AKAP6: variants seen among roughly 807,000 people sequenced by gnomAD.
AKAP6 encodes the protein A-kinase anchoring protein 6.
A neutral mutation model predicts 188.5 loss-of-function variants in AKAP6; 58 were observed. The observed-to-expected ratio is 0.31, with a 90% CI of 0.25 to 0.38. AKAP6 has a LOEUF of 0.38. AKAP6 is among the 10% of genes least tolerant of loss of function. The probability of loss-of-function intolerance (pLI) is 1.00; values close to 1 mark genes in which losing one functional copy is unlikely to be tolerated. For synonymous variants in AKAP6, 989 were observed against 998.6 expected (o/e 0.99, Z 0.18); for missense variants, 2,710 against 2,740.0 (o/e 0.99, Z 0.24).
intron 2 of AKAP6, among the ~76,000 whole-genome samples, chr14:32,463,553 G>A (rs554978669): frequency 2.6e-5 from 4 of 152,270 alleles, no homozygotes; most frequent in South Asian, 2.1e-4. Context: ...TGAAACCAAT[G>A]AGAACAAAGA....
intron 9 of AKAP6, among the ~76,000 whole-genome samples, chr14:32,722,092 A>G (rs937537121): frequency 3.0e-4 from 46 of 152,204 alleles, no homozygotes; most frequent in African/African-American, 1.0e-3. Context: ...CTAAATATTC[A>G]AAATCTTCTA....
chr14:32,819,034 T>G (rs1234419898), intron 12 of AKAP6, among the ~76,000 whole-genome samples: 1 of 152,214 alleles, frequency 6.6e-6, no homozygotes, highest in Non-Finnish European at 1.5e-5. Context: ...TACTAACTGG[T>G]CATTAGTACT....
At chr14:32,757,087 G>A (rs1159468613) in intron 11 of AKAP6, among the ~76,000 whole-genome samples, 8 of 152,168 alleles carry the variant, frequency 5.3e-5, no homozygotes, top group Non-Finnish European at 1.5e-5. Flanking sequence ...AATGGTGGGT[G>A]TCTTTCCATG....
chr14:32,723,706 A>G (rs1047620839), intron 9 of AKAP6, among the ~76,000 whole-genome samples: 6 of 152,108 alleles, frequency 3.9e-5, no homozygotes, highest in African/African-American at 1.4e-4. Flanking sequence ...GATGAGGCAT[A>G]TGCTCTCCCA....
chr14:32,506,867 G>T (rs556596573), intron 2 of AKAP6, among the ~76,000 whole-genome samples: 2 of 151,894 alleles, frequency 1.3e-5, no homozygotes, highest in African/African-American at 2.4e-5. Context: ...AAAAAATTGC[G>T]CATCTCTTTT....
chr14:32,684,272 A>C (rs1889815912), intron 8 of AKAP6, among the ~76,000 whole-genome samples: 1 of 152,200 alleles, frequency 6.6e-6, no homozygotes, highest in Non-Finnish European at 1.5e-5. Context: ...CCAGGTGAAC[A>C]TAACATTGTC....
intron 1 of AKAP6, among the ~76,000 whole-genome samples, chr14:32,380,772 C>T (rs10083381): frequency 0.84 from 127,830 of 152,104 alleles, 54,450 homozygotes; most frequent in Admixed American, 0.92. Context: ...AAAAGCAACT[C>T]GCTACCATTA....
chr14:32,358,709 G>C (rs1296909076), intron 1 of AKAP6, among the ~76,000 whole-genome samples: 9 of 152,076 alleles, frequency 5.9e-5, no homozygotes, highest in African/African-American at 9.7e-5. Flanking sequence ...TCGGGTGGTG[G>C]GTGGGTTTCC....
chr14:32,567,737 C>T (rs1046980125), intron 4 of AKAP6, among the ~76,000 whole-genome samples: 2 of 152,120 alleles, frequency 1.3e-5, no homozygotes, highest in African/African-American at 4.8e-5. Context: ...TCTTACTAAT[C>T]AGGAAAGTAT....
At position 32,360,115 on chromosome 14, in the gene AKAP6, A is replaced by G. The variant is rs1887609306; in HGVS notation, c.-35+30707A>G. Among the ~76,000 whole-genome samples, 3 of 145,228 alleles carry G rather than the reference A, an allele frequency of 2.1e-5. No homozygotes were observed. In the South Asian group the frequency reaches 6.7e-4, roughly 32 times the overall value. On this transcript the variant is annotated intron_variant, in intron 1 of 13. Transcript: ENST00000280979. ...GGAGATATTTTGAGGATATGCAGTT[A>G]TCCTCTTTTTCTTTTTTCTTTTTTT...
At chr14:32,782,674 T>C (rs955591033) in intron 12 of AKAP6, among the ~76,000 whole-genome samples, 8 of 152,160 alleles carry the variant, frequency 5.3e-5, no homozygotes, top group African/African-American at 1.9e-4. Context: ...CATGAAATGC[T>C]TAGGGATGTA....
At chr14:32,667,127 T>C (rs930502512) in intron 7 of AKAP6, among the ~76,000 whole-genome samples, 1 of 152,096 alleles carries the variant, frequency 6.6e-6, no homozygotes, top group Non-Finnish European at 1.5e-5. Flanking sequence ...AATTTGCTTG[T>C]AGAGGAACCC....
chr14:32,392,964 AT>A (rs1365104879), intron 1 of AKAP6, among the ~76,000 whole-genome samples: 1 of 151,958 alleles, frequency 6.6e-6, no homozygotes, highest in Non-Finnish European at 1.5e-5. Context: ...TTAATTTTTA[AT>A]TTTTTTCTTC....
At chr14:32,472,701 G>A (rs1453290903) in intron 2 of AKAP6, among the ~76,000 whole-genome samples, 1 of 152,070 alleles carries the variant, frequency 6.6e-6, no homozygotes, top group Non-Finnish European at 1.5e-5. Flanking sequence ...GCCAACTGTT[G>A]GGCTCATTGT....
At chr14:32,521,090 T>C (rs1243775614) in intron 2 of AKAP6, among the ~76,000 whole-genome samples, 2 of 152,116 alleles carry the variant, frequency 1.3e-5, no homozygotes, top group Non-Finnish European at 2.9e-5. Context: ...AGAAACCACA[T>C]GATTATCTCA....
chr14:32,339,361 G>A (rs1886822440), intron 1 of AKAP6, among the ~76,000 whole-genome samples: 1 of 152,090 alleles, frequency 6.6e-6, no homozygotes, highest in Non-Finnish European at 1.5e-5. Flanking sequence ...CAGATAGCAT[G>A]CCAAGAAATT....
chr14:32,764,337 A>T (rs1311118621), intron 11 of AKAP6, among the ~76,000 whole-genome samples: 1 of 152,234 alleles, frequency 6.6e-6, no homozygotes, highest in Non-Finnish European at 1.5e-5. Context: ...TAAATTCTGT[A>T]TAGATTACTA....
chr14:32,552,577 T>G (rs1302320660), intron 4 of AKAP6, among the ~76,000 whole-genome samples: 1 of 152,118 alleles, frequency 6.6e-6, no homozygotes, highest in Non-Finnish European at 1.5e-5. Flanking sequence ...AAATAATTAA[T>G]GAAGACCTTA....
rs149942555 is a variant in AKAP6, at chr14:32,470,319, A to G, written c.324+36502A>G. The stretch of plus-strand genomic sequence containing the variant: ...AGATTTGAGAAGCAATGTTTCAGGC[A>G]TTTCTTGTATCCCACCCTACCCATC... On this transcript the variant is annotated intron_variant, in intron 2 of 13. Coordinates refer to ENST00000280979, the MANE Select transcript of AKAP6 (RefSeq NM_004274.5). 2.3e-4 allele frequency among the ~76,000 whole-genome samples: 35 copies of G among 152,300 alleles called. No homozygotes were observed. In the East Asian group the frequency reaches 6.8e-3, roughly 29 times the overall value.
Sources: gnomAD v4.1 joint callset for allele counts (sites outside exome capture counted in the v4.1 genomes callset) on GRCh38, gnomAD v4.1.1 for gene constraint, MANE v1.5 for transcripts, NCBI Gene and HGNC (gene_info 2026-07-23, HGNC 2026-07-21) for gene names.